The following CGGBP1 variants were observed in gnomAD, a reference collection of about 807,000 sequenced individuals.
CGGBP1 encodes the protein CGG triplet repeat binding protein 1, also known as CGG triplet repeat-binding protein 1.
CGGBP1 carries 4 observed loss-of-function variants against 11.4 expected under a neutral mutation model. That is an observed-to-expected ratio of 0.35 (90% CI 0.17 to 0.80). The LOEUF (loss-of-function observed/expected upper bound fraction) is 0.80. Ranked by LOEUF, CGGBP1 falls within the 30% of genes least tolerant of loss-of-function variation. The probability of loss-of-function intolerance (pLI) is 0.52; values close to 1 mark genes in which losing one functional copy is unlikely to be tolerated. For synonymous variants in CGGBP1, 76 were observed against 74.1 expected, an observed-to-expected ratio of 1.03 and a Z score of -0.13; for missense variants, 135 against 202.1, an observed-to-expected ratio of 0.67 and a Z score of 2.01.
At chr3:88,117,286 T>TC (rs1167968637) in intron 2 of CGGBP1, among the ~76,000 whole-genome samples, 1 of 152,168 alleles carries the variant, frequency 6.6e-6, no homozygotes, top group African/African-American at 2.4e-5. Flanking sequence ...TAAAGGAAAG[T>TC]TCCTGAAAAT....
chr3:88,100,289 G>C (rs1182015092), intron 2 of CGGBP1, among the ~76,000 whole-genome samples: 1 of 152,142 alleles, frequency 6.6e-6, no homozygotes, highest in Non-Finnish European at 1.5e-5. Context: ...TCTCACACCA[G>C]TTAGAATGAC....
intron 2 of CGGBP1, among the ~76,000 whole-genome samples, chr3:88,123,358 A>T (rs567012580): frequency 6.6e-6 from 1 of 152,318 alleles, no homozygotes; most frequent in African/African-American, 2.4e-5. Context: ...TTTATAATTA[A>T]TTTTTATCTT....
At chr3:88,133,677 A>C (rs1292791200) in intron 2 of CGGBP1, among the ~76,000 whole-genome samples, 1 of 152,034 alleles carries the variant, frequency 6.6e-6, no homozygotes, top group Non-Finnish European at 1.5e-5. Context: ...GAAACTCCTA[A>C]CTCTACAACC....
rs188719695 is a variant in CGGBP1, at chr3:88,128,459, A to G, written c.-229+12511T>C. Among the ~76,000 whole-genome samples the G allele has an allele frequency of 1.2e-3, 187 of 152,228 alleles. 1 individual carries two copies. The highest frequency in any genetic ancestry group is 3.2e-4 in the Non-Finnish European group (22 of 67,984). On this transcript the variant is annotated intron_variant, in intron 2 of 3. Transcript: ENST00000462901. ...ATATTGAGCAGTAAGAAGATAAAGT[A>G]TGTAATCTTAGACTAAAAAGACATA...
At chr3:88,088,238 A>G (rs1374123928) in intron 2 of CGGBP1, among the ~76,000 whole-genome samples, 2 of 152,210 alleles carry the variant, frequency 1.3e-5, no homozygotes, top group African/African-American at 4.8e-5. Flanking sequence ...TCATGCTCAT[A>G]GGGCTCCCAA....
intron 1 of CGGBP1, chr3:88,142,149 G>A (rs1280682511): frequency 2.6e-5 from 4 of 152,404 alleles, no homozygotes; most frequent in Admixed American, 2.0e-4. Flanking sequence ...TTAAGGAACC[G>A]CTGCTGTTTG....
rs1031403858 is a variant in CGGBP1 at position 88,058,956 on chromosome 3, G to T, written c.-472C>A. 6.9e-5 allele frequency: 14 copies of T among 204,062 alleles called. No homozygotes were observed. Among genetic ancestry groups the T allele is most frequent in the South Asian group, 1.3e-4 (1 of 7,774 alleles). The allele number at this position is 204,062 out of a possible 1,614,324, so 12.6% of individuals were successfully genotyped here. ...CGCCGCCGTTGCCCGATCGAGCCCC[G>T]CGGCGGCCGCCGTGTCCCCCGCCGC... On this transcript the variant is annotated 5_prime_UTR_variant, in exon 1 of 4. Coordinates refer to ENST00000482016, the MANE Select transcript of CGGBP1 (RefSeq NM_001008390.2).
At chr3:88,145,519 T>C (rs1253807002) in intron 1 of CGGBP1, among the ~76,000 whole-genome samples, 1 of 152,004 alleles carries the variant, frequency 6.6e-6, no homozygotes, top group African/African-American at 2.4e-5. Context: ...GTTATTGGGG[T>C]TTAGATAACT....
At chr3:88,138,181 CTTATTTGGATAAATAA>C (rs1706913325) in intron 2 of CGGBP1, among the ~76,000 whole-genome samples, 1 of 152,052 alleles carries the variant, frequency 6.6e-6, no homozygotes, top group South Asian at 2.1e-4. Context: ...CATTTCCCCC[CTTATTTGGATAAATAA>C]CATTACTTAA....
At chr3:88,143,128 GCTT>G (rs1235379663) in intron 1 of CGGBP1, 1 of 152,274 alleles carries the variant, frequency 6.6e-6, no homozygotes, top group East Asian at 1.9e-4. Context: ...CCCTATTAGA[GCTT>G]CTTGAATGAG....
At chr3:88,077,842 A>C (rs1376258024) in intron 2 of CGGBP1, among the ~76,000 whole-genome samples, 1 of 152,156 alleles carries the variant, frequency 6.6e-6, no homozygotes, top group African/African-American at 2.4e-5. Context: ...CTCAAAACCA[A>C]GGTTGTTTTT....
rs1706444745 is a variant in CGGBP1 at position 88,052,228 on chromosome 3, A to C, written c.*3245T>G. On this transcript the variant is annotated 3_prime_UTR_variant, in exon 4 of 4. Coordinates refer to ENST00000482016, the MANE Select transcript of CGGBP1 (RefSeq NM_001008390.2). ...GAAATCTATGATAGTGTGGGTGGAGATAAACCAGTTTAGGATAGCCACTTC... is the reference window on the plus strand; with the variant it reads ...GAAATCTATGATAGTGTGGGTGGAGCTAAACCAGTTTAGGATAGCCACTTC... The C allele has an allele frequency of 6.6e-6, 1 of 152,654 alleles. No individual in the cohort carries two copies. The highest frequency in any genetic ancestry group is 1.5e-5 in the Non-Finnish European group (1 of 68,032). The allele number at this position is 152,654 out of a possible 1,614,324, so 9.5% of individuals were successfully genotyped here.
rs144790168 is a variant in CGGBP1, at chr3:88,089,605, T to C, written c.-228-31382A>G. ...AATAAACAGTTGCTAGATGAGCTAA[T>C]GTCATCTAGAAACTGTTTCTTTCCA... On this transcript the variant is annotated intron_variant, in intron 2 of 3. Transcript: ENST00000462901. Among the ~76,000 whole-genome samples the C allele has an allele frequency of 1.0e-3, 159 of 152,326 alleles. 1 individual carries two copies. The highest frequency in any genetic ancestry group is 1.6e-3 in the Admixed American group (24 of 15,308).
intron 1 of CGGBP1, among the ~76,000 whole-genome samples, chr3:88,058,598 G>A (rs1706641850): frequency 6.6e-6 from 1 of 152,224 alleles, no homozygotes; most frequent in African/African-American, 2.4e-5. Flanking sequence ...TGTGGGCCCG[G>A]GAACTCGACA....
chr3:88,128,019 T>G (rs1223276294), intron 2 of CGGBP1, among the ~76,000 whole-genome samples: 1 of 152,238 alleles, frequency 6.6e-6, no homozygotes, highest in Non-Finnish European at 1.5e-5. Flanking sequence ...AAAATACTTC[T>G]GGATTCAAAA....
intron 3 of CGGBP1, 42 bp from the exon 4 acceptor site, chr3:88,056,041 G>C (rs1169520142): frequency 2.8e-6 from 4 of 1,418,574 alleles, no homozygotes; most frequent in Non-Finnish European, 3.8e-6. Flanking sequence ...TATAACAACA[G>C]TTCATTCTGG....
At chr3:88,082,468 T>C (rs1181962915) in intron 2 of CGGBP1, among the ~76,000 whole-genome samples, 1 of 152,172 alleles carries the variant, frequency 6.6e-6, no homozygotes, top group African/African-American at 2.4e-5. Context: ...TGTAAACAAA[T>C]GATGAACTTA....
chr3:88,090,578 T>G (rs1420428936), intron 2 of CGGBP1, among the ~76,000 whole-genome samples: 1 of 152,216 alleles, frequency 6.6e-6, no homozygotes, highest in Non-Finnish European at 1.5e-5. Flanking sequence ...AAAAAAATTT[T>G]TATAAGTGCG....
At chr3:88,117,643 C>A (rs1705490826) in intron 2 of CGGBP1, among the ~76,000 whole-genome samples, 1 of 151,926 alleles carries the variant, frequency 6.6e-6, no homozygotes, top group African/African-American at 2.4e-5. Flanking sequence ...TTATGGTTAT[C>A]ATGAAGAATC....
Sources: allele counts gnomAD v4.1 joint callset (sites outside exome capture counted in the v4.1 genomes callset), GRCh38; gene constraint gnomAD v4.1.1; transcripts MANE v1.5; gene names NCBI Gene and HGNC (gene_info 2026-07-23, HGNC 2026-07-21).